CPNE4: variants seen among roughly 807,000 people sequenced by gnomAD.
The protein encoded by CPNE4 is copine-4.
A neutral mutation model predicts 67.9 loss-of-function variants in CPNE4; 25 were observed. The ratio of observed to expected loss-of-function variants is 0.37; its 90% CI spans 0.27 to 0.51. The LOEUF (loss-of-function observed/expected upper bound fraction) is 0.51, where lower values mean the gene tolerates loss of function less well. Among genes scored for constraint, CPNE4 ranks in the 20% least tolerant of loss-of-function variants. The pLI is 0.93. For synonymous variants in CPNE4, 242 were observed against 244.9 expected (o/e 0.99, Z 0.11); for missense variants, 464 against 690.8 (o/e 0.67, Z 3.68).
At chr3:131,753,513 T>A (rs538628587) in intron 2 of CPNE4, among the ~76,000 whole-genome samples, 1 of 152,202 alleles carries the variant, frequency 6.6e-6, no homozygotes, top group South Asian at 2.1e-4. Context: ...GAAATTTAGG[T>A]ACAAGACAAT....
At chr3:131,892,403 C>A (rs1471883779) in intron 2 of CPNE4, among the ~76,000 whole-genome samples, 2 of 152,022 alleles carry the variant, frequency 1.3e-5, no homozygotes, top group African/African-American at 4.8e-5. Context: ...GAATTCATCA[C>A]CAGTAGACCA....
chr3:131,764,585 G>GTA (rs1358066811), intron 2 of CPNE4, among the ~76,000 whole-genome samples: 1 of 152,086 alleles, frequency 6.6e-6, no homozygotes, highest in Non-Finnish European at 1.5e-5. Flanking sequence ...CCTGCTAGCA[G>GTA]TATACATTGT....
At chr3:131,837,852 G>T (rs2085618360) in intron 2 of CPNE4, among the ~76,000 whole-genome samples, 2 of 151,746 alleles carry the variant, frequency 1.3e-5, no homozygotes, top group African/African-American at 2.4e-5. Context: ...CAGGATAAAG[G>T]GTACAGGGGA....
At chr3:131,801,396 ATATATAGG>A (rs1305924155) in intron 2 of CPNE4, among the ~76,000 whole-genome samples, 17 of 110,730 alleles carry the variant, frequency 1.5e-4, no homozygotes, top group Admixed American at 1.3e-3. Flanking sequence ...TGGTACATAT[ATATATAGG>A]TACATATATA....
At chr3:131,887,077 C>T (rs2087921955) in intron 2 of CPNE4, among the ~76,000 whole-genome samples, 1 of 152,150 alleles carries the variant, frequency 6.6e-6, no homozygotes, top group Non-Finnish European at 1.5e-5. Flanking sequence ...TCCGTGTCCC[C>T]ACCCAAATCT....
intron 1 of CPNE4, among the ~76,000 whole-genome samples, chr3:132,007,493 AAAT>A (rs2073640796): frequency 6.6e-6 from 1 of 152,206 alleles, no homozygotes; most frequent in Admixed American, 6.5e-5. Flanking sequence ...TGGAAGTATT[AAAT>A]GAGACGTGTG....
chr3:131,651,153 T>A (rs1168734837), intron 7 of CPNE4, among the ~76,000 whole-genome samples: 1 of 152,152 alleles, frequency 6.6e-6, no homozygotes, highest in Non-Finnish European at 1.5e-5. Flanking sequence ...GACTTCAGAC[T>A]CAGAAAAGCA....
At chr3:132,010,498 A>G (rs2073731221) in intron 1 of CPNE4, among the ~76,000 whole-genome samples, 1 of 152,136 alleles carries the variant, frequency 6.6e-6, no homozygotes, top group Non-Finnish European at 1.5e-5. Flanking sequence ...GAGCCTCACC[A>G]TCATGTACTC....
At chr3:131,696,099 A>G (rs1426102590) in intron 5 of CPNE4, among the ~76,000 whole-genome samples, 1 of 150,688 alleles carries the variant, frequency 6.6e-6, no homozygotes, top group Admixed American at 6.6e-5. Flanking sequence ...CAGTGAATGC[A>G]TAAGTGGGCT....
chr3:131,804,465 T>C (rs1200018658), intron 2 of CPNE4, among the ~76,000 whole-genome samples: 2 of 152,210 alleles, frequency 1.3e-5, no homozygotes, highest in Admixed American at 1.3e-4. Context: ...TTTTACTTCA[T>C]ATCAGACTGC....
At chr3:132,019,012 GC>G (rs1213433861) in intron 1 of CPNE4, among the ~76,000 whole-genome samples, 5 of 152,288 alleles carry the variant, frequency 3.3e-5, no homozygotes, top group African/African-American at 4.8e-5. Flanking sequence ...TTTTTAAAAA[GC>G]TGTTTGCAGA....
At chr3:131,990,549 G>A (rs545706658) in intron 1 of CPNE4, among the ~76,000 whole-genome samples, 5 of 135,698 alleles carry the variant, frequency 3.7e-5, no homozygotes, top group African/African-American at 1.2e-4. Flanking sequence ...AAATACGTAA[G>A]ACAAATGTTA....
At chr3:131,607,842 T>C (rs1322918672) in intron 7 of CPNE4, among the ~76,000 whole-genome samples, 2 of 152,156 alleles carry the variant, frequency 1.3e-5, no homozygotes, top group East Asian at 1.9e-4. Flanking sequence ...CAATGTGCAA[T>C]GCCTATTACT....
intron 7 of CPNE4, among the ~76,000 whole-genome samples, chr3:131,604,840 TG>T (rs1939406781): frequency 6.6e-6 from 1 of 152,104 alleles, no homozygotes; most frequent in Non-Finnish European, 1.5e-5. Flanking sequence ...ATATGTGCAA[TG>T]TGGGTTCCAA....
chr3:131,876,653 A>AAAAAAAG (rs762079430), intron 2 of CPNE4, among the ~76,000 whole-genome samples: 23,304 of 139,322 alleles, frequency 0.17, 2,837 homozygotes, highest in Non-Finnish European at 0.24. Flanking sequence ...AAAAAAAAAA[A>AAAAAAAG]AAAGAAAGAA....
intron 3 of CPNE4, among the ~76,000 whole-genome samples, chr3:131,700,668 C>T (rs573736347): frequency 2.6e-5 from 4 of 152,254 alleles, no homozygotes; most frequent in South Asian, 4.1e-4. Context: ...GTTGGCAACC[C>T]ATGATTCTCA....
intron 9 of CPNE4, among the ~76,000 whole-genome samples, chr3:131,575,567 A>AGGTAATTT (rs1937530415): frequency 6.6e-6 from 1 of 152,168 alleles, no homozygotes; most frequent in Non-Finnish European, 1.5e-5. Context: ...TTGGCTGAGA[A>AGGTAATTT]GGTAATTTAC....
intron 1 of CPNE4, among the ~76,000 whole-genome samples, chr3:131,998,000 C>T (rs1341308052): frequency 6.6e-6 from 1 of 152,140 alleles, no homozygotes; most frequent in Non-Finnish European, 1.5e-5. Context: ...TTCTTAGGCC[C>T]CACCTCCCAA....
intron 1 of CPNE4, among the ~76,000 whole-genome samples, chr3:132,004,700 T>C (rs1490098748): frequency 6.6e-6 from 1 of 152,040 alleles, no homozygotes; most frequent in Non-Finnish European, 1.5e-5. Context: ...CTTAAAAAAC[T>C]ACAGCTACTG....
Sources: allele counts gnomAD v4.1 joint callset (sites outside exome capture counted in the v4.1 genomes callset), GRCh38; gene constraint gnomAD v4.1.1; transcripts MANE v1.5; gene names NCBI Gene and HGNC (gene_info 2026-07-23, HGNC 2026-07-21).